Variants in CCDC171 observed in about 807,000 individuals in gnomAD.
The protein encoded by CCDC171 is coiled-coil domain containing 171, also known as coiled-coil domain-containing protein 171.
Under a neutral mutation model 168.2 loss-of-function variants are expected in CCDC171, and 177 were observed. The ratio of observed to expected loss-of-function variants is 1.05; its 90% CI spans 0.93 to 1.19. The LOEUF is 1.19. Among genes scored for constraint, CCDC171 ranks in the 50% most tolerant of loss-of-function variants. CCDC171 has a pLI of 0.00. For synonymous variants in CCDC171, 687 were observed against 540.8 expected (o/e 1.27, Z -3.75); for missense variants, 1,991 against 1,539.0 (o/e 1.29, Z -4.91).
rs928861675 is a variant in CCDC171 at position 16,024,229 on chromosome 9, C to A, written n.998+1321C>A. On this transcript the variant is annotated intron_variant and non_coding_transcript_variant, in intron 6 of 9. Coordinates refer to the CCDC171 transcript ENST00000486641. The stretch of plus-strand genomic sequence containing the variant: ...CCAGAACTTTAAGATAATAAATTTA[C>A]GTTGTTTTAAATTTACCATAGTAAA... 5.9e-5 allele frequency among the ~76,000 whole-genome samples: 9 copies of A among 152,134 alleles called. No homozygotes were observed. The East Asian group carries it at 1.7e-3, about 29-fold the overall frequency.
chr9:16,102,889 T>C, the CCDC171 span, among the ~76,000 whole-genome samples: 1 of 152,198 alleles, frequency 6.6e-6, no homozygotes, highest in African/African-American at 2.4e-5. Flanking sequence ...TGGACCTCTT[T>C]AGCAATCACT....
At chr9:15,944,852 C>CT (rs1468744855) in intron 25 of CCDC171, among the ~76,000 whole-genome samples, 1 of 149,452 alleles carries the variant, frequency 6.7e-6, no homozygotes, top group Non-Finnish European at 1.5e-5. Flanking sequence ...TTCTTTCTTT[C>CT]TTTCTTTCTT....
chr9:15,600,257 C>G (rs970007672), intron 6 of CCDC171, among the ~76,000 whole-genome samples: 1 of 152,132 alleles, frequency 6.6e-6, no homozygotes, highest in South Asian at 2.1e-4. Context: ...TTTTCCCCAT[C>G]TTTGTGGTTT....
chr9:16,087,557 C>CTTTTTTTTTTTTTTTTTTTTT, the CCDC171 span, among the ~76,000 whole-genome samples: 1 of 78,800 alleles, frequency 1.3e-5, no homozygotes, highest in African/African-American at 5.5e-5. Context: ...GCAACTCCTG[C>CTTTTTTTTTTTTTTTTTTTTT]TTTTTTTTTT....
intron 10 of CCDC171, among the ~76,000 whole-genome samples, chr9:15,692,421 CTT>C (rs1399503750): frequency 6.8e-6 from 1 of 147,634 alleles, no homozygotes; most frequent in Non-Finnish European, 1.5e-5. Context: ...ACTTTTTACT[CTT>C]TTTTAAAAAT....
At chr9:15,613,260 G>C (rs2043831779) in intron 6 of CCDC171, among the ~76,000 whole-genome samples, 1 of 152,138 alleles carries the variant, frequency 6.6e-6, no homozygotes, top group South Asian at 2.1e-4. Flanking sequence ...GCATGAAATA[G>C]AAGTCCTCAT....
intron 21 of CCDC171, 118 bp downstream of exon 21, chr9:15,784,812 G>C (rs1365621462): frequency 2.7e-6 from 2 of 741,412 alleles, no homozygotes; most frequent in Middle Eastern, 3.4e-4. Flanking sequence ...TTTATTCTAT[G>C]AGGATAGAAT....
At chr9:15,960,136 G>C (rs1043244546) in intron 25 of CCDC171, among the ~76,000 whole-genome samples, 4 of 152,056 alleles carry the variant, frequency 2.6e-5, no homozygotes, top group Non-Finnish European at 5.9e-5. Flanking sequence ...AGAATAATGA[G>C]GACAGGAAAC....
intron 10 of CCDC171, among the ~76,000 whole-genome samples, chr9:15,691,600 A>C (rs1227725633): frequency 7.0e-6 from 1 of 142,382 alleles, no homozygotes; most frequent in African/African-American, 2.6e-5. Flanking sequence ...CTTTATAAAT[A>C]CTGTGTTTTT....
intron 25 of CCDC171, among the ~76,000 whole-genome samples, chr9:15,949,507 G>A (rs929883607): frequency 6.6e-6 from 1 of 152,126 alleles, no homozygotes; most frequent in African/African-American, 2.4e-5. Flanking sequence ...TTGAGCAGTG[G>A]TTTGTACTTC....
intron 21 of CCDC171, among the ~76,000 whole-genome samples, chr9:15,841,244 A>T (rs1012019121): frequency 6.6e-6 from 1 of 152,070 alleles, no homozygotes; most frequent in African/African-American, 2.4e-5. Flanking sequence ...AAATAATTTT[A>T]AAAATTATAC....
chr9:15,906,079 A>G (rs1822553362), intron 24 of CCDC171, among the ~76,000 whole-genome samples: 1 of 152,202 alleles, frequency 6.6e-6, no homozygotes, highest in Non-Finnish European at 1.5e-5. Context: ...TTCACAGCCG[A>G]ATTCTACCAG....
At chr9:16,026,691 G>A (rs1177953798) in intron 6 of CCDC171, among the ~76,000 whole-genome samples, 2 of 152,198 alleles carry the variant, frequency 1.3e-5, no homozygotes, top group African/African-American at 4.8e-5. Flanking sequence ...AGACAGGGAT[G>A]ACAGTTAAGG....
intron 7 of CCDC171, among the ~76,000 whole-genome samples, chr9:15,631,370 A>G (rs1381320390): frequency 1.3e-5 from 2 of 152,172 alleles, no homozygotes; most frequent in Non-Finnish European, 2.9e-5. Context: ...AATACAAACT[A>G]CCATCAGAGA....
intron 8 of CCDC171, among the ~76,000 whole-genome samples, chr9:15,663,849 G>A (rs1021773494): frequency 3.3e-5 from 5 of 152,082 alleles, no homozygotes; most frequent in Admixed American, 2.6e-4. Context: ...CTCATGATCC[G>A]CCTGCCTCGG....
chr9:15,853,139 A>T (rs1226263639), intron 23 of CCDC171, among the ~76,000 whole-genome samples: 1 of 151,576 alleles, frequency 6.6e-6, no homozygotes, highest in African/African-American at 2.4e-5. Flanking sequence ...GAAACCTGCT[A>T]TGTTGAATTT....
intron 18 of CCDC171, among the ~76,000 whole-genome samples, chr9:15,772,447 A>G (rs772698049): frequency 7.9e-5 from 12 of 152,134 alleles, no homozygotes; most frequent in Non-Finnish European, 1.5e-4. Context: ...TTGCCTCCAC[A>G]GTTTGAAAAA....
At chr9:15,751,578 C>A (rs1248817402) in intron 18 of CCDC171, among the ~76,000 whole-genome samples, 1 of 152,140 alleles carries the variant, frequency 6.6e-6, no homozygotes, top group African/African-American at 2.4e-5. Context: ...ACCAATGCAA[C>A]AGAACAGAGG....
intron 11 of CCDC171, among the ~76,000 whole-genome samples, chr9:15,714,537 T>A (rs760373635): frequency 6.6e-6 from 1 of 152,168 alleles, no homozygotes; most frequent in Non-Finnish European, 1.5e-5. Context: ...TCTCCCTGAA[T>A]TAATGGCAGT....
Sources: allele counts gnomAD v4.1 joint callset (sites outside exome capture counted in the v4.1 genomes callset), GRCh38; gene constraint gnomAD v4.1.1; transcripts MANE v1.5; gene names NCBI Gene and HGNC (gene_info 2026-07-23, HGNC 2026-07-21).